Variants in LINC00305 observed in about 807,000 individuals in gnomAD.
LINC00305 encodes the protein long independently transcribed non-coding RNA 305, also known as long intergenic non-protein coding RNA 305.
At chr18:64,137,489 T>C (rs1423728592) in intron 1 of LINC00305, among the ~76,000 whole-genome samples, 4 of 152,246 alleles carry the variant, frequency 2.6e-5, no homozygotes, top group Non-Finnish European at 4.4e-5. Context: ...ACGAATAATA[T>C]TTTCTTCAAA....
At chr18:64,139,002 C>G (rs1320931712) in intron 1 of LINC00305, among the ~76,000 whole-genome samples, 1 of 152,160 alleles carries the variant, frequency 6.6e-6, no homozygotes, top group Non-Finnish European at 1.5e-5. Context: ...TAAAAACACC[C>G]AGAACCGCCA....
At chr18:64,107,011 T>C (rs549994591) in intron 1 of LINC00305, among the ~76,000 whole-genome samples, 1 of 152,312 alleles carries the variant, frequency 6.6e-6, no homozygotes, top group East Asian at 1.9e-4. Flanking sequence ...ATAATTGATG[T>C]GCACCAATTC....
chr18:64,145,850 T>C (rs1350004862), intron 1 of LINC00305, among the ~76,000 whole-genome samples: 1 of 152,208 alleles, frequency 6.6e-6, no homozygotes, highest in Admixed American at 6.5e-5. Flanking sequence ...TATAATGATA[T>C]ACCCTCAAAG....
At chr18:64,147,212 T>A (rs934236641) in intron 1 of LINC00305, 1 of 152,118 alleles carries the variant, frequency 6.6e-6, no homozygotes, top group Admixed American at 6.5e-5. Flanking sequence ...CTTCAGAAAA[T>A]GAAAACTCAT....
At chr18:64,101,253 C>T (rs2051266899) in intron 1 of LINC00305, among the ~76,000 whole-genome samples, 1 of 152,168 alleles carries the variant, frequency 6.6e-6, no homozygotes, top group Non-Finnish European at 1.5e-5. Flanking sequence ...AAGAATGTGA[C>T]ACCCACCTTA....
At chr18:64,128,816 C>T (rs1446801342) in intron 1 of LINC00305, among the ~76,000 whole-genome samples, 4 of 152,058 alleles carry the variant, frequency 2.6e-5, no homozygotes, top group Non-Finnish European at 4.4e-5. Context: ...TCCCACAATC[C>T]AGCAAATAAA....
At chr18:64,091,668 T>A (rs953912566) in intron 3 of LINC00305, among the ~76,000 whole-genome samples, 2 of 152,244 alleles carry the variant, frequency 1.3e-5, no homozygotes, top group African/African-American at 4.8e-5. Context: ...ACCATTGGTC[T>A]GCAAAGCTCA....
In LINC00305 at chr18:64,104,571, A is replaced by G. The variant is rs149242768; in HGVS notation, n.315-5931T>C. 2.1e-3 allele frequency among the ~76,000 whole-genome samples: 325 copies of G among 152,326 alleles called. 4 individuals are homozygous for G. The highest frequency in any genetic ancestry group is 0.014 in the Admixed American group (216 of 15,304). On this transcript the variant is annotated intron_variant and non_coding_transcript_variant, in intron 1 of 3. Transcript: ENST00000666468. Reference sequence around the variant, plus strand: ...TGACAATGACAGGGGATGTCATAGAAGAAGTGTGATTGGGTTCCCTGACTG... The same window carrying G: ...TGACAATGACAGGGGATGTCATAGAGGAAGTGTGATTGGGTTCCCTGACTG...
intron 1 of LINC00305, among the ~76,000 whole-genome samples, chr18:64,136,523 C>T (rs1347581237): frequency 4.6e-5 from 7 of 152,160 alleles, no homozygotes; most frequent in Admixed American, 4.6e-4. Flanking sequence ...GTGAGAACAG[C>T]ATGGGGCAAA....
At chr18:64,109,068 A>T (rs1018018975) in intron 1 of LINC00305, among the ~76,000 whole-genome samples, 2 of 152,186 alleles carry the variant, frequency 1.3e-5, no homozygotes, top group Non-Finnish European at 2.9e-5. Flanking sequence ...ACTGCTGTAG[A>T]TGTGTGAAAT....
chr18:64,141,493 A>C (rs2051462903), intron 1 of LINC00305, among the ~76,000 whole-genome samples: 1 of 152,186 alleles, frequency 6.6e-6, no homozygotes, highest in Admixed American at 6.5e-5. Flanking sequence ...GTGAAAATAA[A>C]AAAGGGGGAA....
rs541613635 is a variant in LINC00305, at chr18:64,088,088, C to T, written n.541-7686G>A. 9.9e-5 allele frequency among the ~76,000 whole-genome samples: 15 copies of T among 151,964 alleles called. No homozygotes were observed. The East Asian group carries it at 1.4e-3, about 14-fold the overall frequency. On this transcript the variant is annotated intron_variant and non_coding_transcript_variant, in intron 3 of 3. Transcript: ENST00000666468. ...CCGGGAGGCGGAGCTTGCCGTGAGC[C>T]GAGATCGCACCACTGCACTCCAGCC... is the stretch of plus-strand genomic sequence containing the variant.
chr18:64,098,533 TTAGGTTTGTAAC>T (rs2051255837), intron 2 of LINC00305: 1 of 434,816 alleles, frequency 2.3e-6, no homozygotes, highest in African/African-American at 2.1e-5. Context: ...AATTTTTTTC[TTAGGTTTGTAAC>T]TTTAAAGAAA....
chr18:64,128,934 G>A (rs1326823690), intron 1 of LINC00305, among the ~76,000 whole-genome samples: 8 of 152,076 alleles, frequency 5.3e-5, no homozygotes, highest in Non-Finnish European at 1.0e-4. Context: ...AATGAGGAGT[G>A]GAGAACCTGA....
intron 1 of LINC00305, among the ~76,000 whole-genome samples, chr18:64,118,887 C>T (rs1235430421): frequency 3.5e-5 from 5 of 144,360 alleles, no homozygotes; most frequent in Non-Finnish European, 4.5e-5. Context: ...ATCCTTTGTC[C>T]ATAGGATTAC....
intron 1 of LINC00305, among the ~76,000 whole-genome samples, chr18:64,115,382 C>G (rs1396312322): frequency 1.3e-5 from 2 of 152,038 alleles, no homozygotes; most frequent in African/African-American, 2.4e-5. Context: ...GGAAGCCTCA[C>G]TGAGGAACAA....
intron 1 of LINC00305, among the ~76,000 whole-genome samples, chr18:64,138,638 G>C (rs2051446349): frequency 6.6e-6 from 1 of 152,026 alleles, no homozygotes; most frequent in South Asian, 2.1e-4. Flanking sequence ...TCTACTCCGG[G>C]TTGTTTTCCT....
chr18:64,107,847 C>T (rs997344606), intron 1 of LINC00305, among the ~76,000 whole-genome samples: 10 of 152,132 alleles, frequency 6.6e-5, no homozygotes, highest in South Asian at 2.1e-4. Context: ...TCCATAATAT[C>T]CAAGGCCATG....
intron 1 of LINC00305, among the ~76,000 whole-genome samples, chr18:64,144,752 A>C (rs1184374679): frequency 6.6e-6 from 1 of 152,196 alleles, no homozygotes; most frequent in Non-Finnish European, 1.5e-5. Context: ...AATTGCATGC[A>C]GGATTGTGTA....
Sources: gnomAD v4.1 joint callset for allele counts (sites outside exome capture counted in the v4.1 genomes callset) on GRCh38, gnomAD v4.1.1 for gene constraint, MANE v1.5 for transcripts, NCBI Gene and HGNC (gene_info 2026-07-23, HGNC 2026-07-21) for gene names.